CDC14A: variants seen among roughly 807,000 people sequenced by gnomAD.
CDC14A encodes cell division cycle 14A.
CDC14A carries 53 observed loss-of-function variants against 74.4 expected under a neutral mutation model. That is an observed-to-expected ratio of 0.71 (90% confidence interval 0.57 to 0.89). CDC14A has a LOEUF of 0.89. Ranked by LOEUF, CDC14A falls within the 40% of genes least tolerant of loss-of-function variation. The probability of loss-of-function intolerance (pLI) is 0.00; values close to 1 mark genes in which losing one functional copy is unlikely to be tolerated. For synonymous variants in CDC14A, 247 were observed against 258.4 expected, an observed-to-expected ratio of 0.96 and a Z score of 0.43; for missense variants, 646 against 713.7, an observed-to-expected ratio of 0.91 and a Z score of 1.08.
In CDC14A at chr1:100,454,362, TGG is replaced by T. The variant is rs566325662; in HGVS notation, c.520-1040_520-1039del. 2.2e-4 allele frequency among the ~76,000 whole-genome samples: 33 copies of T among 148,966 alleles called. No individual in the cohort carries two copies. The East Asian group carries it at 6.5e-3, about 29-fold the overall frequency. On this transcript the variant is annotated intron_variant, in intron 7 of 15. Transcript: ENST00000336454. ...CAAGGAGGGCAAGGGTAGGGGTAGG[TGG>T]GGAGGGGGTGGTGGTGGTAAAGACA... is the stretch of plus-strand genomic sequence containing the variant.
chr1:100,468,020 T>C lies in CDC14A; in HGVS notation c.903T>C (p.His301=), dbSNP rs17122597. 17,792 of 1,613,124 alleles carry C rather than the reference T, an allele frequency of 0.011. 1,620 individuals are homozygous for C. The African/African-American group carries it at 0.2, about 18-fold the overall frequency. ...CYVMKHYRFT[H]AEIIAWIRIC... ...TAATGAAACACTACAGGTTTACACA[T>C]GCTGAAATAATTGCTTGGATTAGAA... is the stretch of plus-strand genomic sequence containing the variant. Residue 301 remains histidine, a synonymous_variant, in exon 10 of 16, where the codon CAT becomes CAC. Coordinates refer to ENST00000336454, the MANE Select transcript of CDC14A (RefSeq NM_003672.4).
At chr1:100,444,111 G>T (rs191207018) in intron 7 of CDC14A, among the ~76,000 whole-genome samples, 1 of 152,284 alleles carries the variant, frequency 6.6e-6, no homozygotes, top group Admixed American at 6.5e-5. Flanking sequence ...CTTTGTGTGT[G>T]TTACCACATT....
rs149401810 is a variant in CDC14A at position 100,385,932 on chromosome 1, C to T, written c.217-4800C>T. 4.5e-3 allele frequency among the ~76,000 whole-genome samples: 688 copies of T among 152,134 alleles called. 4 individuals carry two copies. The highest frequency in any genetic ancestry group is 7.6e-3 in the Non-Finnish European group (517 of 67,996). On this transcript the variant is annotated intron_variant, in intron 3 of 15. Transcript: ENST00000336454. ...TTGTAATCCCCGCACTTTGAGAGGT[C>T]GGGGTGAGCAGATCACTTGAGGTCA...
chr1:100,455,519 A>G (rs1470621497), intron 8 of CDC14A, 27 bp downstream of exon 8: 1 of 1,238,478 alleles, frequency 8.1e-7, no homozygotes, highest in Non-Finnish European at 1.2e-6. Flanking sequence ...TTTACCATCC[A>G]AACATTTATT....
chr1:100,415,585 C>A (rs773344090), intron 4 of CDC14A, among the ~76,000 whole-genome samples: 1 of 152,098 alleles, frequency 6.6e-6, no homozygotes, highest in Non-Finnish European at 1.5e-5. Flanking sequence ...ATAATGGACT[C>A]AAAACTTGAA....
At chr1:100,365,979 G>A (rs1202988179) in intron 2 of CDC14A, among the ~76,000 whole-genome samples, 1 of 115,286 alleles carries the variant, frequency 8.7e-6, no homozygotes, top group African/African-American at 4.2e-5. Context: ...CACACACACG[G>A]TCTCATTGTG....
At chr1:100,442,594 A>G (rs181988451) in intron 6 of CDC14A, among the ~76,000 whole-genome samples, 1 of 151,932 alleles carries the variant, frequency 6.6e-6, no homozygotes, top group East Asian at 1.9e-4. Flanking sequence ...CTATTCTGTC[A>G]TAGTTAGGTC....
intron 2 of CDC14A, among the ~76,000 whole-genome samples, chr1:100,364,071 G>A (rs912566243): frequency 1.3e-5 from 2 of 152,030 alleles, no homozygotes; most frequent in Admixed American, 1.3e-4. Flanking sequence ...CGAGGCTTCA[G>A]TGAACCATGA....
chr1:100,464,573 T>C (rs992640399), intron 9 of CDC14A, among the ~76,000 whole-genome samples: 11 of 152,256 alleles, frequency 7.2e-5, no homozygotes, highest in African/African-American at 2.7e-4. Context: ...TCCTATCTTC[T>C]CTTTCAAACT....
At chr1:100,384,102 A>ACT (rs1272572713) in intron 3 of CDC14A, among the ~76,000 whole-genome samples, 1 of 152,182 alleles carries the variant, frequency 6.6e-6, no homozygotes, top group Admixed American at 6.5e-5. Context: ...TGTGTTTTAC[A>ACT]AGGAGTGATC....
chr1:100,381,441 A>G (rs1030651589), intron 3 of CDC14A, among the ~76,000 whole-genome samples: 1 of 152,146 alleles, frequency 6.6e-6, no homozygotes, highest in African/African-American at 2.4e-5. Context: ...GTGATTTCCC[A>G]GTTCTTTTAG....
At chr1:100,349,907 C>T (rs1013108598), upstream of CDC14A, among the ~76,000 whole-genome samples, 3 of 151,290 alleles carry the variant, frequency 2.0e-5, no homozygotes, top group Admixed American at 6.6e-5. Flanking sequence ...TGCAACCTCC[C>T]GAGTAGCTGG....
At chr1:100,494,792 T>A (rs1329238751) in intron 11 of CDC14A, 26 bp from the exon 12 acceptor site, 1 of 1,396,890 alleles carries the variant, frequency 7.2e-7, no homozygotes, top group Non-Finnish European at 1.0e-6. Flanking sequence ...TTTTGACCTT[T>A]CTATGGAACG....
upstream of CDC14A, among the ~76,000 whole-genome samples, chr1:100,348,281 CAAAAAA>C (rs59269474): frequency 2.3e-5 from 2 of 87,210 alleles, no homozygotes; most frequent in East Asian, 3.9e-4. Flanking sequence ...GACTCCATTT[CAAAAAA>C]AAAAAAAAAA....
rs1376206607 is a variant in CDC14A at position 100,497,091 on chromosome 1, A to G, written c.1299-994A>G. Among the ~76,000 whole-genome samples the G allele has an allele frequency of 3.3e-5, 5 of 152,358 alleles. No individual in the cohort carries two copies. The East Asian group carries it at 9.6e-4, about 29-fold the overall frequency. ...AACGGAGATAGACAAATATCAGATG[A>G]CGCAATATGGTATAAGAGCTATGAT... On this transcript the variant is annotated intron_variant, in intron 13 of 15. Coordinates refer to ENST00000336454, the MANE Select transcript of CDC14A (RefSeq NM_003672.4).
intron 4 of CDC14A, among the ~76,000 whole-genome samples, chr1:100,412,331 A>G (rs1158941607): frequency 6.6e-6 from 1 of 152,070 alleles, no homozygotes; most frequent in African/African-American, 2.4e-5. Flanking sequence ...CTGGGATTAG[A>G]TCTGAAATGA....
chr1:100,375,042 C>T lies in CDC14A; in HGVS notation c.141-2504C>T, dbSNP rs531187775. On this transcript the variant is annotated intron_variant, in intron 2 of 15. Transcript: ENST00000336454. ...TTAGTAGTATATGTAGTAGACTAAACGAATGACTCAGACGGTAAGTTTTGA... is the reference window on the plus strand; with the variant it reads ...TTAGTAGTATATGTAGTAGACTAAATGAATGACTCAGACGGTAAGTTTTGA... Among the ~76,000 whole-genome samples the T allele has an allele frequency of 1.1e-4, 16 of 152,172 alleles. No individual in the cohort carries two copies. The South Asian group carries it at 2.9e-3, about 28-fold the overall frequency.
chr1:100,457,240 T>C (rs1179681374), intron 8 of CDC14A, among the ~76,000 whole-genome samples: 1 of 152,254 alleles, frequency 6.6e-6, no homozygotes, highest in African/African-American at 2.4e-5. Context: ...TATATAGACA[T>C]TGTATATTCT....
chr1:100,515,296 G>A (rs1015245688), intron 15 of CDC14A, among the ~76,000 whole-genome samples: 1 of 152,110 alleles, frequency 6.6e-6, no homozygotes, highest in African/African-American at 2.4e-5. Flanking sequence ...TGAATAGAAA[G>A]GTCTCACAGT....
Sources: gnomAD v4.1 joint callset for allele counts (sites outside exome capture counted in the v4.1 genomes callset) on GRCh38, gnomAD v4.1.1 for gene constraint, MANE v1.5 for transcripts, NCBI Gene and HGNC (gene_info 2026-07-23, HGNC 2026-07-21) for gene names.